Variants in UNC80 observed in about 807,000 individuals in gnomAD.
UNC80 encodes the protein protein unc-80 homolog.
In UNC80, 164 loss-of-function variants were observed where a neutral mutation model predicts 384.6. That is an observed-to-expected ratio of 0.43 (90% confidence interval 0.38 to 0.49). The LOEUF (loss-of-function observed/expected upper bound fraction) is 0.49, where lower values mean the gene tolerates loss of function less well. UNC80 is among the 20% of genes least tolerant of loss of function. The pLI is 0.00. For synonymous variants in UNC80, 1,486 were observed against 1,527.8 expected, an observed-to-expected ratio of 0.97 and a Z score of 0.64; for missense variants, 3,330 against 4,143.0, an observed-to-expected ratio of 0.80 and a Z score of 5.39.
rs1359392785 is a variant in UNC80 at position 209,831,474 on chromosome 2, A to G, written c.2658A>G (p.Thr886=). 1.3e-6 allele frequency: 2 copies of G among 1,550,730 alleles called. No individual in the cohort carries two copies. The highest frequency in any genetic ancestry group is 2.7e-5 in the African/African-American group (2 of 72,960). Residue 886 remains threonine, a synonymous_variant, in exon 16 of 65, where the codon ACA becomes ACG. Transcript: ENST00000673920. ...CTGGGTTTGGAAATAACTTCACCAC[A>G]GTGGACAACAAATCCACAGCCCAAA... ...NKAGFGNNFT[T]VDNKSTAQNV...
At chr2:209,805,390 C>T (rs2078828243) in intron 7 of UNC80, among the ~76,000 whole-genome samples, 1 of 152,170 alleles carries the variant, frequency 6.6e-6, no homozygotes, top group South Asian at 2.1e-4. Flanking sequence ...ACAAATTATC[C>T]CAAATCCTAG....
chr2:209,853,012 T>C (rs1331259678), intron 22 of UNC80, among the ~76,000 whole-genome samples: 1 of 152,060 alleles, frequency 6.6e-6, no homozygotes. Context: ...GATCTAGATA[T>C]AGGCACAGAT....
intron 51 of UNC80, among the ~76,000 whole-genome samples, chr2:209,964,256 G>A (rs1247746818): frequency 7.7e-6 from 1 of 130,716 alleles, no homozygotes; most frequent in Non-Finnish European, 1.6e-5. Context: ...CAGTGACTAA[G>A]AACAACTAAT....
chr2:209,922,165 G>T, intron 34 of UNC80, 87 bp from the exon 35 acceptor site: 1 of 1,418,286 alleles, frequency 7.1e-7, no homozygotes, highest in South Asian at 1.3e-5. Flanking sequence ...TCTGAGAGCA[G>T]TATGCATTTG....
Position 209,978,524 on chromosome 2 carries a change from T to C in UNC80, c.8939-5T>C, listed in dbSNP as rs1341664784. On this transcript the variant is annotated splice_polypyrimidine_tract_variant and splice_region_variant and intron_variant, in intron 58 of 64. Transcript: ENST00000673920. ...GCATTTCCTTTGGTCTCTCGCATCC[T>C]CTAGCCTACCAAGGCAAGACATCCA... is the stretch of plus-strand genomic sequence containing the variant. 6.5e-7 allele frequency: 1 copy of C among 1,536,924 alleles called. No homozygotes were observed. The highest frequency in any genetic ancestry group is 2.5e-5 in the East Asian group (1 of 40,578).
At chr2:209,798,691 T>A (rs1463982057) in intron 7 of UNC80, among the ~76,000 whole-genome samples, 1 of 151,134 alleles carries the variant, frequency 6.6e-6, no homozygotes, top group African/African-American at 2.4e-5. Context: ...TATTATTATT[T>A]TTTTGAGATG....
chr2:209,817,464 A>G (rs1247484279), intron 10 of UNC80, among the ~76,000 whole-genome samples: 1 of 151,608 alleles, frequency 6.6e-6, no homozygotes, highest in African/African-American at 2.4e-5. Context: ...ATTTTTTTTG[A>G]AAAAAGCAAA....
chr2:209,857,293 G>A (rs2083005565), intron 22 of UNC80, among the ~76,000 whole-genome samples: 1 of 152,118 alleles, frequency 6.6e-6, no homozygotes. Context: ...AGAGATGATC[G>A]AAATTGAAAT....
intron 39 of UNC80, 43 bp from the exon 40 acceptor site, chr2:209,935,671 T>C: frequency 1.8e-6 from 2 of 1,087,984 alleles, no homozygotes; most frequent in Non-Finnish European, 2.5e-6. Context: ...ATACAAATTT[T>C]CTATAGTAAA....
rs751599076 is a variant in UNC80 at position 209,815,336 on chromosome 2, G to A, written c.1280G>A (p.Arg427His). The A allele has an allele frequency of 5.0e-5, 78 of 1,551,526 alleles. No homozygotes were observed. Among genetic ancestry groups the A allele is most frequent in the Non-Finnish European group, 5.9e-5 (68 of 1,146,970 alleles). ...AFSKVSLTNL[R>H]RSAVPDLSSD... is the part of the protein sequence containing the mutation. ...TCCAAGGTTTCACTGACCAATCTGC[G>A]TAGATCTGCAGTCCCAGATCTTTCT... The change falls in exon 9 of 65, where the codon CGT (arginine) becomes CAT (histidine). Residue 427 changes from arginine to histidine, a missense_variant. This residue lies in a region of UNC80 where 937 missense variants were observed against 1,026.8 expected (regional missense o/e 0.91). Coordinates refer to ENST00000673920, the MANE Select transcript of UNC80 (RefSeq NM_001371986.1).
rs540670222 is a variant in UNC80, at chr2:209,831,429, C to T, written c.2627-14C>T. ...AAGGAAACATTGTCTTTAATTTGTG[C>T]CTTTGCATTCCAGACAAGGCTGGGT... On this transcript the variant is annotated splice_polypyrimidine_tract_variant and intron_variant, in intron 15 of 64. Transcript: ENST00000673920. 4 of 1,541,550 alleles carry T rather than the reference C, an allele frequency of 2.6e-6. No homozygotes were observed. The highest frequency in any genetic ancestry group is 2.7e-5 in the African/African-American group (2 of 72,764).
At chr2:209,881,964 CTT>C (rs34822717) in intron 25 of UNC80, among the ~76,000 whole-genome samples, 26 of 131,164 alleles carry the variant, frequency 2.0e-4, no homozygotes, top group South Asian at 2.5e-4. Context: ...ACCTCTCCTT[CTT>C]TTTTTTTTTT....
At chr2:209,992,470 A>C (rs925645975) in intron 62 of UNC80, among the ~76,000 whole-genome samples, 1 of 152,074 alleles carries the variant, frequency 6.6e-6, no homozygotes, top group Non-Finnish European at 1.5e-5. Context: ...TAAATAAAAC[A>C]ATGTTTTTTT....
chr2:209,957,878 A>G, intron 49 of UNC80, 142 bp downstream of exon 49: 1 of 764,144 alleles, frequency 1.3e-6, no homozygotes. Flanking sequence ...GTGAGAGTTT[A>G]GAGTTACAAG....
chr2:209,915,036 AGGGAAT>A (rs1457238417), intron 31 of UNC80, among the ~76,000 whole-genome samples: 7 of 152,196 alleles, frequency 4.6e-5, no homozygotes, highest in Non-Finnish European at 7.3e-5. Context: ...GTAGGAGTTC[AGGGAAT>A]GGCACACTCC....
chr2:209,969,286 G>A (rs1321776034), intron 52 of UNC80: 1 of 153,796 alleles, frequency 6.5e-6, no homozygotes, highest in Non-Finnish European at 1.4e-5. Context: ...AAAGAACATT[G>A]TTTAAATAAA....
intron 22 of UNC80, among the ~76,000 whole-genome samples, chr2:209,852,218 A>G (rs2124843665): frequency 6.6e-6 from 1 of 152,138 alleles, no homozygotes; most frequent in African/African-American, 2.4e-5. Context: ...TTCATACCTG[A>G]CAGTCTTTGA....
intron 14 of UNC80, among the ~76,000 whole-genome samples, chr2:209,826,369 C>A (rs1362713786): frequency 6.6e-6 from 1 of 152,180 alleles, no homozygotes; most frequent in Non-Finnish European, 1.5e-5. Context: ...ATACATTTAG[C>A]AAGCTTTTGA....
intron 22 of UNC80, among the ~76,000 whole-genome samples, chr2:209,871,186 T>G (rs1276776520): frequency 2.6e-5 from 4 of 152,240 alleles, no homozygotes; most frequent in Non-Finnish European, 5.9e-5. Context: ...TAAGTATTAA[T>G]AGTTAATTTC....
Sources: allele counts gnomAD v4.1 joint callset (sites outside exome capture counted in the v4.1 genomes callset), GRCh38; gene constraint gnomAD v4.1.1; regional missense constraint gnomAD v4.1.1; transcripts MANE v1.5; gene names NCBI Gene and HGNC (gene_info 2026-07-23, HGNC 2026-07-21).